KCNC1: variants seen among roughly 807,000 people sequenced by gnomAD.
KCNC1 encodes voltage-gated potassium channel KCNC1.
Under a neutral mutation model 43.4 loss-of-function variants are expected in KCNC1, and 8 were observed. That is an observed-to-expected ratio of 0.18 (90% confidence interval 0.11 to 0.33). The LOEUF is 0.33. Ranked by LOEUF, KCNC1 falls within the 10% of genes least tolerant of loss-of-function variation. KCNC1 has a pLI of 1.00. For missense variants in KCNC1, 420 were observed against 836.0 expected, an observed-to-expected ratio of 0.50 and a Z score of 6.14; for synonymous variants, 361 against 360.5, an observed-to-expected ratio of 1.00 and a Z score of -0.01.
Position 17,779,344 on chromosome 11 carries a change from C to T in KCNC1, c.1505-112C>T. ...TCCACAGCCTGCCCGCTTTTCCGTC[C>T]TCAGGGACGCTCAAGCTGCCCTCTG... On this transcript the variant is annotated intron_variant, in intron 2 of 3. Transcript: ENST00000265969. The surrounding 1 kb of genome is among the most constrained non-coding windows in gnomAD (Gnocchi z 7.2). 2.2e-6 allele frequency: 2 copies of T among 897,816 alleles called. No individual in the cohort carries two copies. The highest frequency in any genetic ancestry group is 4.0e-5 in the South Asian group (2 of 49,800). 55.6% of individuals were successfully genotyped at this position (897,816 alleles called of 1,614,324 possible). A position where few individuals can be genotyped will look rare whatever the true frequency, so the allele number is the denominator to read the frequency against.
chr11:17,765,712 G>T (rs549213638), intron 1 of KCNC1: 1 of 152,298 alleles, frequency 6.6e-6, no homozygotes, highest in South Asian at 2.1e-4. Context: ...AATTCTACAG[G>T]GTGGCAACTG....
At chr11:17,737,817 C>G (rs1256883225) in intron 1 of KCNC1, among the ~76,000 whole-genome samples, 1 of 152,188 alleles carries the variant, frequency 6.6e-6, no homozygotes, top group Non-Finnish European at 1.5e-5. Context: ...CGCATCTCTC[C>G]CCTCCTGCGC....
Position 17,773,486 on chromosome 11 carries a change from C to T in KCNC1, c.1504+888C>T, listed in dbSNP as rs1268957797. ...CACCGAGGGTTCTCCCCGTTTCCAG[C>T]GGTAGGGACTGCAGCAGCAATATAG... On this transcript the variant is annotated intron_variant, in intron 2 of 3. Transcript: ENST00000265969. The surrounding 1 kb of genome is among the most constrained non-coding windows in gnomAD (Gnocchi z 4.1). 6.1e-6 allele frequency: 6 copies of T among 982,242 alleles called. No individual in the cohort carries two copies. Among genetic ancestry groups the T allele is most frequent in the African/African-American group, 1.8e-5 (1 of 55,956 alleles). The allele number at this position is 982,242 out of a possible 1,614,324, so 60.8% of individuals were successfully genotyped here.
At chr11:17,763,462 C>G (rs978575449) in intron 1 of KCNC1, among the ~76,000 whole-genome samples, 1 of 151,834 alleles carries the variant, frequency 6.6e-6, no homozygotes. Flanking sequence ...GGCCCGGACA[C>G]GCACATGCAC....
chr11:17,772,860 C>T (rs574105154), intron 2 of KCNC1: 16 of 1,316,914 alleles, frequency 1.2e-5, no homozygotes, highest in Non-Finnish European at 1.4e-5. Flanking sequence ...GAAGAGACAA[C>T]GCGGCCCGCC....
At chr11:17,750,215 A>G (rs969366658) in intron 1 of KCNC1, among the ~76,000 whole-genome samples, 1 of 152,086 alleles carries the variant, frequency 6.6e-6, no homozygotes, top group Non-Finnish European at 1.5e-5. Flanking sequence ...CATGGGAGAC[A>G]CTCGCCAAGG....
At position 17,776,623 on chromosome 11, in the gene KCNC1, A is replaced by G; in HGVS notation, c.1505-2833A>G. Reference sequence around the variant, plus strand: ...GCCCATGCTGCCATTTCATCACTGCAGGCCTGTGGGTCTAGTGGGGGCCTG... The same window carrying G: ...GCCCATGCTGCCATTTCATCACTGCGGGCCTGTGGGTCTAGTGGGGGCCTG... On this transcript the variant is annotated intron_variant, in intron 2 of 3. Coordinates refer to ENST00000265969, the MANE Select transcript of KCNC1 (RefSeq NM_001112741.2). The surrounding 1 kb of genome is among the most constrained non-coding windows in gnomAD (Gnocchi z 4.4). The G allele has an allele frequency of 2.0e-6, 2 of 985,376 alleles. No homozygotes were observed. The highest frequency in any genetic ancestry group is 5.2e-4 in the Middle Eastern group (1 of 1,914). 61.0% of individuals were successfully genotyped at this position (985,376 alleles called of 1,614,324 possible).
rs894875088 is a variant in KCNC1 at position 17,735,886 on chromosome 11, C to G, written c.-117C>G. ...CCAGAGCCGCAGGCCTCTGTTCCCC[C>G]CGACGGCTGGGGGGAGGGGGGAAGA... is the stretch of plus-strand genomic sequence containing the variant. On this transcript the variant is annotated 5_prime_UTR_variant, in exon 1 of 4. Transcript: ENST00000265969. The surrounding 1 kb of genome is among the most constrained non-coding windows in gnomAD (Gnocchi z 6.7). 4.3e-5 allele frequency: 53 copies of G among 1,230,064 alleles called. No homozygotes were observed. The highest frequency in any genetic ancestry group is 1.1e-4 in the South Asian group (6 of 55,776). The allele number at this position is 1,230,064 out of a possible 1,614,324, so 76.2% of individuals were successfully genotyped here. A position where few individuals can be genotyped will look rare whatever the true frequency, so the allele number is the denominator to read the frequency against.
chr11:17,764,805 G>A (rs1849129679), intron 1 of KCNC1, among the ~76,000 whole-genome samples: 1 of 152,118 alleles, frequency 6.6e-6, no homozygotes, highest in Non-Finnish European at 1.5e-5. Context: ...CCCCCAGCCG[G>A]CCCAGCACAC....
intron 1 of KCNC1, among the ~76,000 whole-genome samples, chr11:17,740,076 T>G (rs1030014107): frequency 6.6e-6 from 1 of 152,190 alleles, no homozygotes; most frequent in African/African-American, 2.4e-5. Flanking sequence ...CCTGAGGAGC[T>G]GCCACCTACC....
In KCNC1 at chr11:17,779,716, C is replaced by T. The variant is rs573761340; in HGVS notation, c.1693+72C>T. The T allele has an allele frequency of 3.4e-5, 43 of 1,282,678 alleles. No homozygotes were observed. Among genetic ancestry groups the T allele is most frequent in the Admixed American group, 1.0e-4 (3 of 28,814 alleles). The allele number at this position is 1,282,678 out of a possible 1,614,324, so 79.5% of individuals were successfully genotyped here. A position where few individuals can be genotyped will look rare whatever the true frequency, so the allele number is the denominator to read the frequency against. On this transcript the variant is annotated intron_variant, in intron 3 of 3. Coordinates refer to ENST00000265969, the MANE Select transcript of KCNC1 (RefSeq NM_001112741.2). This position sits in a 1 kb window ranked among gnomAD's most constrained non-coding sequence, Gnocchi z 7.2. ...CGCTCCTGCAGATGGGTGGGCAGGG[C>T]GGCGGGCAAGGGCGCTGAGGGGCAG...
Position 17,777,746 on chromosome 11 carries a change from AC to A in KCNC1, c.1505-1709del. 1 of 986,024 alleles carries A rather than the reference AC, an allele frequency of 1.0e-6. No individual in the cohort carries two copies. The allele number at this position is 986,024 out of a possible 1,614,324, so 61.1% of individuals were successfully genotyped here. A position where few individuals can be genotyped will look rare whatever the true frequency, so the allele number is the denominator to read the frequency against. On this transcript the variant is annotated intron_variant, in intron 2 of 3. Coordinates refer to ENST00000265969, the MANE Select transcript of KCNC1 (RefSeq NM_001112741.2). The surrounding 1 kb of genome is among the most constrained non-coding windows in gnomAD (Gnocchi z 4.3). ...AATGCTTTGCCATCTTGTACGAAAGACTTTTTTTTTAAGTTCCAAAATTATG... is the reference window on the plus strand; with the variant it reads ...AATGCTTTGCCATCTTGTACGAAAGATTTTTTTTTAAGTTCCAAAATTATG...
intron 2 of KCNC1, chr11:17,775,847 C>T (rs748654836): frequency 3.3e-5 from 33 of 985,522 alleles, no homozygotes; most frequent in East Asian, 1.1e-4. Flanking sequence ...GAGAAGCCCC[C>T]GCCTGGGCTC....
chr11:17,775,113 G>T (rs965796607), intron 2 of KCNC1: 21 of 985,522 alleles, frequency 2.1e-5, no homozygotes, highest in South Asian at 1.4e-4. Flanking sequence ...AGGTAAATGT[G>T]GTGGCCCCAC....
intron 2 of KCNC1, among the ~76,000 whole-genome samples, chr11:17,778,202 G>T (rs1267389845): frequency 6.6e-6 from 1 of 152,210 alleles, no homozygotes; most frequent in African/African-American, 2.4e-5. Flanking sequence ...GGGGGCAAAG[G>T]CCAGTCAGGG....
In KCNC1 at chr11:17,773,229, T is replaced by G. The variant is rs566607405; in HGVS notation, c.1504+631T>G. Reference sequence around the variant, plus strand: ...CGCCTGTAGCCCTCCGTGACAAGCTTACTTACCCCATAGCATGCTGAACCA... The same window carrying G: ...CGCCTGTAGCCCTCCGTGACAAGCTGACTTACCCCATAGCATGCTGAACCA... On this transcript the variant is annotated intron_variant, in intron 2 of 3. Transcript: ENST00000265969. The surrounding 1 kb of genome is among the most constrained non-coding windows in gnomAD (Gnocchi z 4.1). 5.1e-6 allele frequency: 5 copies of G among 985,916 alleles called. No individual in the cohort carries two copies. The Middle Eastern group carries it at 2.6e-3, about 515-fold the overall frequency. 61.1% of individuals were successfully genotyped at this position (985,916 alleles called of 1,614,324 possible).
At chr11:17,780,280 C>T (rs1318425893) in intron 3 of KCNC1, 24 of 152,388 alleles carry the variant, frequency 1.6e-4, no homozygotes, top group Admixed American at 1.6e-3. Flanking sequence ...CCATCCGCAG[C>T]ACCCACAGGC....
intron 1 of KCNC1, among the ~76,000 whole-genome samples, chr11:17,769,102 T>A (rs1849192438): frequency 6.6e-6 from 1 of 152,262 alleles, no homozygotes; most frequent in Non-Finnish European, 1.5e-5. Flanking sequence ...CTCTCTCAAG[T>A]GCGCCCACAT....
Position 17,773,569 on chromosome 11 carries a change from G to T in KCNC1, c.1504+971G>T. 1.0e-6 allele frequency: 1 copy of T among 984,154 alleles called. No individual in the cohort carries two copies. Among genetic ancestry groups the T allele is most frequent in the Non-Finnish European group, 1.2e-6 (1 of 829,168 alleles). The allele number at this position is 984,154 out of a possible 1,614,324, so 61.0% of individuals were successfully genotyped here. ...GAATTCACTGGGGGCCGGGAGGGGG[G>T]AGGGGGGCATGAAACAATACTAGTC... On this transcript the variant is annotated intron_variant, in intron 2 of 3. Transcript: ENST00000265969. The surrounding 1 kb of genome is among the most constrained non-coding windows in gnomAD (Gnocchi z 4.1).
Sources: gnomAD v4.1 joint callset for allele counts (sites outside exome capture counted in the v4.1 genomes callset) on GRCh38, gnomAD v4.1.1 for gene constraint, Gnocchi (gnomAD v3.1) non-coding constraint, MANE v1.5 for transcripts, NCBI Gene and HGNC (gene_info 2026-07-23, HGNC 2026-07-21) for gene names.